Variants in CA9 observed in about 807,000 individuals in gnomAD.
CA9 encodes carbonic anhydrase 9.
CA9 carries 43 observed loss-of-function variants against 51.8 expected under a neutral mutation model. That is an observed-to-expected ratio of 0.83 (90% CI 0.65 to 1.07). The LOEUF is 1.07. Among genes scored for constraint, CA9 ranks in the 50% least tolerant of loss-of-function variants. CA9 has a pLI of 0.00. For synonymous variants in CA9, 253 were observed against 244.2 expected (o/e 1.04, Z -0.34); for missense variants, 574 against 581.4 (o/e 0.99, Z 0.13).
At position 35,677,858 on chromosome 9, in the gene CA9, T is replaced by C; in HGVS notation, c.907+2T>C. 2 of 1,613,640 alleles carry C rather than the reference T, an allele frequency of 1.2e-6. No homozygotes were observed. Among genetic ancestry groups the C allele is most frequent in the Non-Finnish European group, 1.7e-6 (2 of 1,179,592 alleles). On this transcript the variant is annotated splice_donor_variant, in intron 6 of 10. Transcript: ENST00000378357. LOFTEE classifies it high-confidence loss of function. ...GCTTGGAAGAAATCGCTGAGGAAGG[T>C]CAGTTTGTTGGTCTGGCCACTAATC... is the stretch of plus-strand genomic sequence containing the variant.
chr9:35,676,457 G>C, intron 5 of CA9, 68 bp downstream of exon 5: 1 of 1,306,296 alleles, frequency 7.7e-7, no homozygotes, highest in Non-Finnish European at 1.1e-6. Flanking sequence ...CTCTATCGTG[G>C]AGCCAGAGAC....
In CA9 at chr9:35,680,125, C is replaced by A. The variant is rs1323757917; in HGVS notation, c.1223C>A (p.Ser408Tyr). 2.5e-6 allele frequency: 4 copies of A among 1,614,060 alleles called. No individual in the cohort carries two copies. Residue 408 changes from serine (S) to tyrosine (Y), a missense_variant, in exon 9 of 11, where the codon TCC (serine) becomes TAC (tyrosine). Ser to Tyr is a moderately radical substitution (Grantham distance 144). Coordinates refer to ENST00000378357, the MANE Select transcript of CA9 (RefSeq NM_001216.3). The stretch of plus-strand genomic sequence containing the variant: ...TTTTTCTCTCCAGTCCAGCTGAATT[C>A]CTGCCTGGCTGCTGGTGAGTCTGCC... Reference protein sequence around the residue: ...PRAAEPVQLNSCLAAGDILAL... With the variant: ...PRAAEPVQLNYCLAAGDILAL...
At chr9:35,676,242 C>T (rs1587944797) in intron 4 of CA9, 36 bp downstream of exon 4, 1 of 1,612,550 alleles carries the variant, frequency 6.2e-7, no homozygotes, top group Non-Finnish European at 8.5e-7. Flanking sequence ...GGCAAAGGAG[C>T]GGGGCGGAGC....
chr9:35,679,163 C>T (rs1361637068), intron 6 of CA9, 22 bp from the exon 7 acceptor site: 7 of 1,613,520 alleles, frequency 4.3e-6, no homozygotes, highest in Non-Finnish European at 5.9e-6. Flanking sequence ...AGATGAGACC[C>T]CAACATAGAT....
chr9:35,674,469 C>A (rs1311528275), intron 1 of CA9, 107 bp downstream of exon 1: 3 of 1,069,084 alleles, frequency 2.8e-6, no homozygotes, highest in South Asian at 1.6e-5. Flanking sequence ...AGACTGTACT[C>A]CCCACAGAAG....
rs906641413 is a variant in CA9, at chr9:35,675,889, C to T, written c.562C>T (p.Pro188Ser). 7 of 1,608,432 alleles carry T rather than the reference C, an allele frequency of 4.4e-6. No homozygotes were observed. In the South Asian group the frequency reaches 5.5e-5, roughly 13 times the overall value. The stretch of plus-strand genomic sequence containing the variant: ...CCTGGAACTCCTGGGCTTCCAGCTC[C>T]CGCCGCTCCCAGAACTGCGCCTGCG... Reference protein sequence around the residue: ...RPLELLGFQLPPLPELRLRNN... With the variant: ...RPLELLGFQLSPLPELRLRNN... The change falls in exon 3 of 11, where the codon CCG (proline) becomes TCG (serine). Residue 188 changes from proline to serine, a missense_variant. Transcript: ENST00000378357.
In CA9 at chr9:35,680,836, TA is replaced by T. The variant is rs1448932654; in HGVS notation, c.1319+3del. 1.9e-6 allele frequency: 3 copies of T among 1,614,010 alleles called. No individual in the cohort carries two copies. Among genetic ancestry groups the T allele is most frequent in the Non-Finnish European group, 1.7e-6 (2 of 1,179,856 alleles). On this transcript the variant is annotated splice_donor_region_variant and intron_variant, in intron 10 of 10. Transcript: ENST00000378357. ...TGTGCAGATGAGAAGGCAGCACAGGTATTACACTGACCCTTTCTTCAGGCAC... is the reference window on the plus strand; with the variant it reads ...TGTGCAGATGAGAAGGCAGCACAGGTTTACACTGACCCTTTCTTCAGGCAC...
chr9:35,677,768 G>A (rs1824453318), intron 5 of CA9, 22 bp from the exon 6 acceptor site: 1 of 1,607,218 alleles, frequency 6.2e-7, no homozygotes, highest in African/African-American at 1.3e-5. Flanking sequence ...GCACTCATCT[G>A]TCTTACAATG....
rs964269077 is a variant in CA9, at chr9:35,679,467, T to C, written c.1065+125T>C. ...GGCTTACGCCTATAATCCCACCACG[T>C]TGGGAGGCTGAGGTGGGAGAATGGT... On this transcript the variant is annotated intron_variant, in intron 7 of 10. Transcript: ENST00000378357. 4.3e-5 allele frequency: 53 copies of C among 1,223,672 alleles called. No individual in the cohort carries two copies. The African/African-American group carries it at 7.0e-4, about 16-fold the overall frequency. 75.8% of individuals were successfully genotyped at this position (1,223,672 alleles called of 1,614,324 possible).
intron 10 of CA9, 49 bp from the exon 11 acceptor site, chr9:35,680,916 T>C: frequency 1.2e-6 from 2 of 1,611,762 alleles, no homozygotes; most frequent in Non-Finnish European, 1.7e-6. Flanking sequence ...GCAAATGAGC[T>C]GCTCCTGGGC....
chr9:35,678,190 C>T (rs537034970), intron 6 of CA9, among the ~76,000 whole-genome samples: 105 of 151,674 alleles, frequency 6.9e-4, no homozygotes, highest in African/African-American at 2.3e-3. Flanking sequence ...ACTAAAAATA[C>T]GAAAAAATAG....
At position 35,681,049 on chromosome 9, in the gene CA9, G is replaced by C. The variant is rs1055784789; in HGVS notation, c.*24G>C. 2.5e-6 allele frequency: 4 copies of C among 1,610,572 alleles called. No individual in the cohort carries two copies. In the African/African-American group the frequency reaches 5.3e-5, roughly 22 times the overall value. On this transcript the variant is annotated 3_prime_UTR_variant, in exon 11 of 11. Transcript: ENST00000378357. The stretch of plus-strand genomic sequence containing the variant: ...AGAGGCTGGATCTTGGAGAATGTGA[G>C]AAGCCAGCCAGAGGCATCTGAGGGG...
In CA9 at chr9:35,676,116, G is replaced by C. The variant is rs554047218; in HGVS notation, c.657G>C (p.Glu219Asp). 14 of 1,613,754 alleles carry C rather than the reference G, an allele frequency of 8.7e-6. No individual in the cohort carries two copies. In the Admixed American group the frequency reaches 1.2e-4, roughly 13 times the overall value. The change falls in exon 4 of 11, where the codon GAG (glutamate) becomes GAC (aspartate). Residue 219 changes from glutamate (E) to aspartate (D), a missense_variant. Glu to Asp is a conservative substitution (Grantham distance 45, BLOSUM62 2). Transcript: ENST00000378357. Reference protein sequence around the residue: ...GLEMALGPGREYRALQLHLHW... With the variant: ...GLEMALGPGRDYRALQLHLHW... ...AGATGGCTCTGGGTCCCGGGCGGGA[G>C]TACCGGGCTCTGCAGCTGCATCTGC...
At chr9:35,675,685 C>T in intron 2 of CA9, 76 bp from the exon 3 acceptor site, 18 of 1,505,334 alleles carry the variant, frequency 1.2e-5, no homozygotes, top group Non-Finnish European at 1.7e-5. Context: ...CGTCCCACCC[C>T]CTCACCTTTT....
chr9:35,677,944 G>A, intron 6 of CA9, 88 bp downstream of exon 6: 1 of 1,061,900 alleles, frequency 9.4e-7, no homozygotes, highest in Non-Finnish European at 1.5e-6. Context: ...CTGGAGATGG[G>A]CTCCCTCCAG....
chr9:35,675,703 G>C, intron 2 of CA9, 58 bp from the exon 3 acceptor site: 1 of 1,369,626 alleles, frequency 7.3e-7, no homozygotes. Flanking sequence ...TTTCTACCCG[G>C]GTTCCCTAAG....
chr9:35,679,295 G>A lies in CA9; in HGVS notation c.1018G>A (p.Val340Ile), dbSNP rs1396130003. The A allele has an allele frequency of 6.2e-7, 1 of 1,614,088 alleles. No individual in the cohort carries two copies. Among genetic ancestry groups the A allele is most frequent in the Non-Finnish European group, 8.5e-7 (1 of 1,180,046 alleles). ...GACTACACCGCCCTGTGCCCAGGGT[G>A]TCATCTGGACTGTGTTTAACCAGAC... The part of the protein sequence containing the change: ...SLTTPPCAQG[V>I]IWTVFNQTVM... Residue 340 changes from valine (V) to isoleucine (I), a missense_variant, in exon 7 of 11, where the codon GTC (valine) becomes ATC (isoleucine). By Grantham distance (29) the Val-to-Ile change is conservative (BLOSUM62 3). Transcript: ENST00000378357.
chr9:35,675,930 T>C lies in CA9; in HGVS notation c.603T>C (p.Ser201=), dbSNP rs768928267. 19 of 1,602,830 alleles carry C rather than the reference T, an allele frequency of 1.2e-5. No individual in the cohort carries two copies. The South Asian group carries it at 2.0e-4, about 17-fold the overall frequency. The change falls in exon 3 of 11, where the codon AGT becomes AGC. Residue 201 remains serine (S), a splice_region_variant and synonymous_variant. Transcript: ENST00000378357. The stretch of plus-strand genomic sequence containing the variant: ...TGCGCCTGCGCAACAATGGCCACAG[T>C]GGTGAGGGGGTCTCCCCGCCGAGAC... ...PELRLRNNGH[S]VQLTLPPGLE...
In CA9 at chr9:35,673,981, C is replaced by G. The variant is rs1427447530; in HGVS notation, c.22C>G (p.Pro8Ala). Reference protein sequence around the residue: MAPLCPSPWLPLLIPAPA... With the variant: MAPLCPSAWLPLLIPAPA... ...CCGCATGGCTCCCCTGTGCCCCAGC[C>G]CCTGGCTCCCTCTGTTGATCCCGGC... The change falls in exon 1 of 11, where the codon CCC becomes GCC. Residue 8 changes from proline to alanine, a missense_variant. Pro to Ala is a conservative substitution (Grantham distance 27). Coordinates refer to ENST00000378357, the MANE Select transcript of CA9 (RefSeq NM_001216.3). The G allele has an allele frequency of 6.8e-6, 11 of 1,607,308 alleles. No individual in the cohort carries two copies. Among genetic ancestry groups the G allele is most frequent in the Non-Finnish European group, 9.4e-6 (11 of 1,176,330 alleles).
Sources: allele counts gnomAD v4.1 joint callset (sites outside exome capture counted in the v4.1 genomes callset), GRCh38; gene constraint gnomAD v4.1.1; transcripts MANE v1.5; gene names NCBI Gene and HGNC (gene_info 2026-07-23, HGNC 2026-07-21).